Variants in WWC2 observed in about 807,000 individuals in gnomAD.
WWC2 encodes the protein WW and C2 domain containing 2, also known as protein WWC2.
A neutral mutation model predicts 138.5 loss-of-function variants in WWC2; 101 were observed. The ratio of observed to expected loss-of-function variants is 0.73; its 90% CI spans 0.62 to 0.86. The LOEUF is 0.86. Ranked by LOEUF, WWC2 falls within the 40% of genes least tolerant of loss-of-function variation. The pLI is 0.00. For missense variants in WWC2, 1,420 were observed against 1,419.4 expected (o/e 1.00, Z -0.01); for synonymous variants, 558 against 538.4 (o/e 1.04, Z -0.50).
chr4:183,254,277 A>C (rs1167374769), intron 9 of WWC2, among the ~76,000 whole-genome samples: 15 of 152,240 alleles, frequency 9.9e-5, no homozygotes. Flanking sequence ...AAGTCTGATA[A>C]CAATAGCTAT....
chr4:183,267,330 G>T (rs759441397), intron 14 of WWC2, among the ~76,000 whole-genome samples: 2 of 152,180 alleles, frequency 1.3e-5, no homozygotes, highest in Non-Finnish European at 2.9e-5. Flanking sequence ...AACGCAGAGA[G>T]CCTGCTTCCC....
intron 21 of WWC2, among the ~76,000 whole-genome samples, chr4:183,301,870 TTTATGCAACATGTGTG>T (rs1738852351): frequency 6.6e-6 from 1 of 152,252 alleles, no homozygotes; most frequent in African/African-American, 2.4e-5. Context: ...CAGCTATTTT[TTTATGCAACATGTGTG>T]TTAGTGTTAT....
chr4:183,204,690 C>G (rs754747115), intron 2 of WWC2, among the ~76,000 whole-genome samples: 10 of 152,140 alleles, frequency 6.6e-5, no homozygotes, highest in Non-Finnish European at 1.2e-4. Context: ...CAGGTGTATA[C>G]CATGTAACTA....
intron 22 of WWC2, 141 bp downstream of exon 22, chr4:183,312,609 C>T: frequency 7.8e-6 from 10 of 1,274,650 alleles, no homozygotes; most frequent in Non-Finnish European, 1.1e-5. Context: ...TATAATTTTC[C>T]ATTTGCACCT....
At chr4:183,157,542 C>T (rs1474769802) in intron 1 of WWC2, among the ~76,000 whole-genome samples, 2 of 152,096 alleles carry the variant, frequency 1.3e-5, no homozygotes, top group Non-Finnish European at 2.9e-5. Context: ...GCACTGTTGC[C>T]CAGGCTGGAG....
At position 183,315,796 on chromosome 4, in the gene WWC2, T is replaced by C. The variant is rs1739418193; in HGVS notation, c.*67T>C. 11 of 1,359,612 alleles carry C rather than the reference T, an allele frequency of 8.1e-6. No homozygotes were observed. In the South Asian group the frequency reaches 1.5e-4, roughly 19 times the overall value. The allele number at this position is 1,359,612 out of a possible 1,614,324, so 84.2% of individuals were successfully genotyped here. Reference sequence around the variant, plus strand: ...TTAGGGAGGGTAAAAGACTGAAGATTTGTGTTTTTGTTTTGGTGTTTGGTT... The same window carrying C: ...TTAGGGAGGGTAAAAGACTGAAGATCTGTGTTTTTGTTTTGGTGTTTGGTT... On this transcript the variant is annotated 3_prime_UTR_variant, in exon 23 of 23. Coordinates refer to ENST00000403733, the MANE Select transcript of WWC2 (RefSeq NM_024949.6).
At chr4:183,207,203 TA>T (rs1223314029) in intron 2 of WWC2, among the ~76,000 whole-genome samples, 1 of 126,186 alleles carries the variant, frequency 7.9e-6, no homozygotes, top group South Asian at 2.7e-4. Context: ...TTTTTTTTTT[TA>T]AAAGGGTCTC....
At chr4:183,160,427 TGTG>T (rs1010819136) in intron 1 of WWC2, among the ~76,000 whole-genome samples, 2 of 152,158 alleles carry the variant, frequency 1.3e-5, no homozygotes, top group African/African-American at 2.4e-5. Flanking sequence ...GCAAAGCAAA[TGTG>T]GGATGAGAGG....
At chr4:183,117,057 C>T (rs1188115990) in intron 1 of WWC2, among the ~76,000 whole-genome samples, 1 of 152,100 alleles carries the variant, frequency 6.6e-6, no homozygotes. Flanking sequence ...TTCTCCCAAT[C>T]TAGGCTTCTG....
chr4:183,122,550 C>G (rs1445281149), intron 1 of WWC2, among the ~76,000 whole-genome samples: 1 of 152,096 alleles, frequency 6.6e-6, no homozygotes, highest in Non-Finnish European at 1.5e-5. Context: ...GTGACAGAGT[C>G]TTACTCTGTT....
At chr4:183,273,074 A>G (rs1296350303) in intron 16 of WWC2, among the ~76,000 whole-genome samples, 2 of 152,104 alleles carry the variant, frequency 1.3e-5, no homozygotes, top group Non-Finnish European at 2.9e-5. Context: ...TCAGCAGTGT[A>G]TGAGGGTTCC....
intron 1 of WWC2, among the ~76,000 whole-genome samples, chr4:183,099,823 T>A (rs886347589): frequency 6.8e-6 from 1 of 147,506 alleles, no homozygotes; most frequent in Admixed American, 6.6e-5. Context: ...CCGACGCCCC[T>A]CCGGGGACCC....
At chr4:183,213,289 G>C (rs913725586) in intron 4 of WWC2, among the ~76,000 whole-genome samples, 11 of 152,324 alleles carry the variant, frequency 7.2e-5, no homozygotes, top group Non-Finnish European at 1.0e-4. Context: ...ACTTGGCAGA[G>C]TCTGTTAGAT....
At chr4:183,145,714 A>G (rs1486714560) in intron 1 of WWC2, among the ~76,000 whole-genome samples, 1 of 152,276 alleles carries the variant, frequency 6.6e-6, no homozygotes, top group African/African-American at 2.4e-5. Context: ...CTTGCATAGC[A>G]GTAGTGAGAC....
rs150486565 is a variant in WWC2 at position 183,191,494 on chromosome 4, G to C, written c.132-2105G>C. Among the ~76,000 whole-genome samples, 1,205 of 152,050 alleles carry C rather than the reference G, an allele frequency of 7.9e-3. 19 individuals are homozygous for C. Among genetic ancestry groups the C allele is most frequent in the African/African-American group, 0.027 (1,135 of 41,484 alleles). On this transcript the variant is annotated intron_variant, in intron 1 of 22. Coordinates refer to ENST00000403733, the MANE Select transcript of WWC2 (RefSeq NM_024949.6). ...CTTAAAAAATACATTAGGAAGCTAGGGCTTTTAAGGCTAATAACTTGCTCT... is the reference window on the plus strand; with the variant it reads ...CTTAAAAAATACATTAGGAAGCTAGCGCTTTTAAGGCTAATAACTTGCTCT...
chr4:183,319,420 A>T lies in WWC2; in HGVS notation c.*3691A>T. On this transcript the variant is annotated 3_prime_UTR_variant, in exon 23 of 23. Transcript: ENST00000403733. ...AATGGTTTACCAGTCTTGGAAAGAA[A>T]CTATAGTTTAATAGCCACAGGAAAA... 3.1e-6 allele frequency: 3 copies of T among 973,288 alleles called. No homozygotes were observed. The South Asian group carries it at 5.1e-5, about 16-fold the overall frequency. 60.3% of individuals were successfully genotyped at this position (973,288 alleles called of 1,614,324 possible).
intron 1 of WWC2, among the ~76,000 whole-genome samples, chr4:183,140,312 C>T (rs370083066): frequency 2.0e-5 from 3 of 152,120 alleles, no homozygotes; most frequent in South Asian, 2.1e-4. Context: ...GGTGGTCCAA[C>T]GTATATCTGA....
chr4:183,121,652 C>G (rs1209719081), intron 1 of WWC2, among the ~76,000 whole-genome samples: 2 of 152,036 alleles, frequency 1.3e-5, no homozygotes, highest in African/African-American at 4.8e-5. Context: ...GTTCCCCACA[C>G]CTTTGTCAAA....
chr4:183,189,572 C>T, intron 1 of WWC2, among the ~76,000 whole-genome samples: 1 of 152,132 alleles, frequency 6.6e-6, no homozygotes, highest in Non-Finnish European at 1.5e-5. Context: ...TCTTTACTTC[C>T]TCCCTGTTCT....
Sources: allele counts gnomAD v4.1 joint callset (sites outside exome capture counted in the v4.1 genomes callset), GRCh38; gene constraint gnomAD v4.1.1; transcripts MANE v1.5; gene names NCBI Gene and HGNC (gene_info 2026-07-23, HGNC 2026-07-21).